Variants in EFCAB8 observed in about 807,000 individuals in gnomAD.
EFCAB8 encodes EF-hand calcium binding domain 8.
In EFCAB8, 100 loss-of-function variants were observed where a neutral mutation model predicts 116.3. The observed-to-expected ratio is 0.86, with a 90% confidence interval of 0.73 to 1.02. The LOEUF (loss-of-function observed/expected upper bound fraction) is 1.02, where lower values mean the gene tolerates loss of function less well. Ranked by LOEUF, EFCAB8 falls within the 50% of genes least tolerant of loss-of-function variation. The pLI is 0.00. For missense variants in EFCAB8, 1,320 were observed against 1,416.9 expected (o/e 0.93, Z 1.10); for synonymous variants, 558 against 567.9 (o/e 0.98, Z 0.25).
At chr20:32,935,736 C>T (rs1415152234) in intron 22 of EFCAB8, among the ~76,000 whole-genome samples, 1 of 152,126 alleles carries the variant, frequency 6.6e-6, no homozygotes, top group Admixed American at 6.5e-5. Flanking sequence ...GAACTCCTGA[C>T]CTCAGGTGAT....
chr20:32,920,129 A>C lies in EFCAB8; in HGVS notation c.2326A>C (p.Lys776Gln). 1 of 1,551,762 alleles carries C rather than the reference A, an allele frequency of 6.4e-7. No individual in the cohort carries two copies. The highest frequency in any genetic ancestry group is 1.2e-5 in the South Asian group (1 of 84,064). Residue 776 changes from lysine (K) to glutamine (Q), a missense_variant, in exon 20 of 27, where the codon AAA (lysine) becomes CAA (glutamine). Transcript: ENST00000400522. ...TSRQSSKIHS[K>Q]QSIYKEDETR... ...CAGGCAGTCAAGCAAGATCCACAGCAAACAGTCCATTTACAAAGAGGATGA... is the reference window on the plus strand; with the variant it reads ...CAGGCAGTCAAGCAAGATCCACAGCCAACAGTCCATTTACAAAGAGGATGA...
At chr20:32,915,273 C>T (rs1987133441) in intron 17 of EFCAB8, among the ~76,000 whole-genome samples, 1 of 152,144 alleles carries the variant, frequency 6.6e-6, no homozygotes, top group African/African-American at 2.4e-5. Flanking sequence ...TATAAGTTGT[C>T]AGGAGAAACC....
intron 13 of EFCAB8, among the ~76,000 whole-genome samples, chr20:32,907,497 T>C (rs1418516620): frequency 8.5e-5 from 13 of 152,198 alleles, no homozygotes; most frequent in Non-Finnish European, 1.9e-4. Flanking sequence ...CCTCTGCAGC[T>C]GTAGGCTCAG....
At chr20:32,873,519 C>T (rs942918988) in intron 3 of EFCAB8, among the ~76,000 whole-genome samples, 1 of 151,976 alleles carries the variant, frequency 6.6e-6, no homozygotes, top group African/African-American at 2.4e-5. Flanking sequence ...CCTTTCTTCT[C>T]CCCATCTTTT....
chr20:32,924,129 T>C (rs111775359), intron 20 of EFCAB8, among the ~76,000 whole-genome samples: 14,040 of 152,164 alleles, frequency 0.092, 892 homozygotes, highest in African/African-American at 0.17. Flanking sequence ...TCACAGCTCA[T>C]TGTAGCCTCC....
chr20:32,908,331 G>GT lies in EFCAB8; in HGVS notation c.1371dup (p.Ala458CysfsTer61), dbSNP rs1986772934. The GT allele has an allele frequency of 1.6e-6, 2 of 1,249,946 alleles. No homozygotes were observed. Among genetic ancestry groups the GT allele is most frequent in the Admixed American group, 4.2e-5 (1 of 23,726 alleles). The allele number at this position is 1,249,946 out of a possible 1,614,324, so 77.4% of individuals were successfully genotyped here. On this transcript the variant is annotated frameshift_variant, in exon 14 of 27. Transcript: ENST00000400522. LOFTEE classifies it high-confidence loss of function. ...TATGCCTCCAGTCCTTCTGTGGGAAGTTTTTTGCTCTGGGAAACTGCCCCA... is the reference window on the plus strand; with the variant it reads ...TATGCCTCCAGTCCTTCTGTGGGAAGTTTTTTTGCTCTGGGAAACTGCCCCA...
chr20:32,935,922 C>T (rs11696588), intron 22 of EFCAB8, among the ~76,000 whole-genome samples: 6,421 of 152,290 alleles, frequency 0.042, 169 homozygotes, highest in Non-Finnish European at 0.066. Flanking sequence ...TTCTGTCACT[C>T]TGTGGGTTAT....
intron 22 of EFCAB8, among the ~76,000 whole-genome samples, chr20:32,940,019 C>T (rs1052407813): frequency 2.6e-5 from 2 of 77,382 alleles, no homozygotes; most frequent in African/African-American, 6.1e-5. Context: ...CTCCCTCCCT[C>T]CCTCCCTTCC....
At chr20:32,928,410 A>G (rs943684727) in intron 20 of EFCAB8, among the ~76,000 whole-genome samples, 7 of 151,540 alleles carry the variant, frequency 4.6e-5, no homozygotes, top group African/African-American at 1.7e-4. Flanking sequence ...TAATATTTGT[A>G]TTTTTTAGTA....
intron 8 of EFCAB8, 84 bp downstream of exon 8, chr20:32,892,381 C>T (rs1184998496): frequency 4.1e-6 from 5 of 1,210,914 alleles, no homozygotes; most frequent in Non-Finnish European, 5.9e-6. Flanking sequence ...GGGTTGGGGC[C>T]CCCAGAAAGC....
Position 32,899,284 on chromosome 20 carries a change from A to T in EFCAB8, c.1088+661A>T, listed in dbSNP as rs1270166788. Among the ~76,000 whole-genome samples, 8 of 151,170 alleles carry T rather than the reference A, an allele frequency of 5.3e-5. No homozygotes were observed. The East Asian group carries it at 1.6e-3, about 30-fold the overall frequency. On this transcript the variant is annotated intron_variant, in intron 11 of 26. Transcript: ENST00000400522. ...GCCGGGCGTGGTGGTAAGCACCTGT[A>T]GTCCCAGCTACTCGGGAGGCTGAGG... is the stretch of plus-strand genomic sequence containing the variant.
rs751758636 is a variant in EFCAB8 at position 32,959,925 on chromosome 20, G to A, written c.3237G>A (p.Glu1079=). ...KMALMSPWAG[E]RPLEDIEDSW... ...CCCTGATGTCCCCGTGGGCCGGAGA[G>A]CGCCCCCTGGAAGACATTGAGGACA... The change falls in exon 25 of 27, where the codon GAG becomes GAA. Residue 1079 remains glutamate, a synonymous_variant. Transcript: ENST00000400522. 5 of 1,551,714 alleles carry A rather than the reference G, an allele frequency of 3.2e-6. No individual in the cohort carries two copies. In the South Asian group the frequency reaches 4.8e-5, roughly 15 times the overall value.
chr20:32,883,177 T>C (rs1985429022), intron 5 of EFCAB8, among the ~76,000 whole-genome samples: 1 of 152,178 alleles, frequency 6.6e-6, no homozygotes. Flanking sequence ...GTAGGCCCCA[T>C]TAGAGCATTT....
chr20:32,878,054 C>A (rs1030341858), intron 4 of EFCAB8, among the ~76,000 whole-genome samples: 1 of 151,968 alleles, frequency 6.6e-6, no homozygotes, highest in African/African-American at 2.4e-5. Flanking sequence ...CCACTTGAGC[C>A]CAGGAGTTCG....
At chr20:32,861,735 A>C (rs909040072) in intron 1 of EFCAB8, among the ~76,000 whole-genome samples, 2 of 152,184 alleles carry the variant, frequency 1.3e-5, no homozygotes, top group Non-Finnish European at 2.9e-5. Context: ...CCCATCTCAA[A>C]AGATCGCCAT....
At chr20:32,923,589 C>T (rs151256301) in intron 20 of EFCAB8, among the ~76,000 whole-genome samples, 65 of 152,210 alleles carry the variant, frequency 4.3e-4, no homozygotes, top group African/African-American at 1.4e-3. Flanking sequence ...GAGGTAATTA[C>T]GTTAAGACAT....
intron 1 of EFCAB8, among the ~76,000 whole-genome samples, chr20:32,859,543 C>T (rs148027426): frequency 4.4e-4 from 67 of 152,250 alleles, no homozygotes; most frequent in African/African-American, 1.5e-3. Context: ...CATAGAACCA[C>T]TTTCTCCTGG....
intron 3 of EFCAB8, among the ~76,000 whole-genome samples, chr20:32,871,868 C>T (rs1190095580): frequency 1.3e-5 from 2 of 152,130 alleles, no homozygotes; most frequent in African/African-American, 4.8e-5. Context: ...GTCAGTGGTT[C>T]TTAAAGAGGA....
chr20:32,886,592 A>C (rs371469092), intron 6 of EFCAB8, among the ~76,000 whole-genome samples: 1 of 152,068 alleles, frequency 6.6e-6, no homozygotes, highest in East Asian at 1.9e-4. Context: ...TCCTTGGTGC[A>C]CCAAGGGGGA....
Sources: gnomAD v4.1 joint callset for allele counts (sites outside exome capture counted in the v4.1 genomes callset) on GRCh38, gnomAD v4.1.1 for gene constraint, MANE v1.5 for transcripts, NCBI Gene and HGNC (gene_info 2026-07-23, HGNC 2026-07-21) for gene names.